CACNA2D3: variants seen among roughly 807,000 people sequenced by gnomAD.
The protein encoded by CACNA2D3 is calcium voltage-gated channel auxiliary subunit alpha2delta 3.
A neutral mutation model predicts 160.6 loss-of-function variants in CACNA2D3; 60 were observed. The ratio of observed to expected loss-of-function variants is 0.37; its 90% CI spans 0.30 to 0.46. The LOEUF is 0.46. Ranked by LOEUF, CACNA2D3 falls within the 20% of genes least tolerant of loss-of-function variation. The pLI, the probability that CACNA2D3 is intolerant of heterozygous loss-of-function variation, is 1.00. For synonymous variants in CACNA2D3, 558 were observed against 492.9 expected (o/e 1.13, Z -1.75); for missense variants, 1,205 against 1,365.0 (o/e 0.88, Z 1.85).
intron 4 of CACNA2D3, among the ~76,000 whole-genome samples, chr3:54,457,749 T>C (rs1700425140): frequency 6.6e-6 from 1 of 152,074 alleles, no homozygotes; most frequent in Non-Finnish European, 1.5e-5. Context: ...CACAACCATA[T>C]ATACATGTGC....
At chr3:54,492,007 T>C (rs9811257) in intron 4 of CACNA2D3, among the ~76,000 whole-genome samples, 1,813 of 152,234 alleles carry the variant, frequency 0.012, 36 homozygotes, top group African/African-American at 0.042. Context: ...AACATAGCCT[T>C]TTTGCTGTCT....
chr3:54,200,438 T>G (rs886469934), intron 2 of CACNA2D3, among the ~76,000 whole-genome samples: 1 of 152,208 alleles, frequency 6.6e-6, no homozygotes, highest in Non-Finnish European at 1.5e-5. Context: ...CCTTAAATTA[T>G]TACACCAACT....
chr3:54,425,902 C>T (rs554656592), intron 4 of CACNA2D3, among the ~76,000 whole-genome samples: 5 of 152,328 alleles, frequency 3.3e-5, no homozygotes, highest in South Asian at 4.1e-4. Flanking sequence ...GTAGAGGGGA[C>T]GTACACAGAT....
chr3:54,979,238 T>G (rs1248392003), intron 29 of CACNA2D3, among the ~76,000 whole-genome samples: 1 of 152,196 alleles, frequency 6.6e-6, no homozygotes, highest in Non-Finnish European at 1.5e-5. Flanking sequence ...ACAGGGACTG[T>G]GTAGACAAGG....
rs180988700 is a variant in CACNA2D3 at position 54,669,969 on chromosome 3, A to G, written c.1167+27728A>G. Among the ~76,000 whole-genome samples the G allele has an allele frequency of 3.1e-4, 47 of 152,224 alleles. No homozygotes were observed. The East Asian group carries it at 8.1e-3, about 26-fold the overall frequency. On this transcript the variant is annotated intron_variant, in intron 11 of 37. Coordinates refer to ENST00000474759, the MANE Select transcript of CACNA2D3 (RefSeq NM_018398.3). ...CATCCTGGTGACTGGGGCTCTTCTG[A>G]AATGCAAAATGTGTTTTCCATTGTA...
At chr3:55,008,924 C>CACACACACACAG (rs1559462312) in intron 33 of CACNA2D3, among the ~76,000 whole-genome samples, 7 of 148,722 alleles carry the variant, frequency 4.7e-5, no homozygotes, top group African/African-American at 1.8e-4. Flanking sequence ...CACACACACA[C>CACACACACACAG]AGGGGGCTTA....
intron 13 of CACNA2D3, among the ~76,000 whole-genome samples, chr3:54,781,266 C>T (rs998136685): frequency 3.3e-5 from 5 of 152,194 alleles, no homozygotes; most frequent in African/African-American, 1.2e-4. Context: ...CAGAGCCAGA[C>T]ATTTTTGTAA....
At chr3:54,195,832 A>G (rs1209224303) in intron 2 of CACNA2D3, among the ~76,000 whole-genome samples, 1 of 152,180 alleles carries the variant, frequency 6.6e-6, no homozygotes, top group Non-Finnish European at 1.5e-5. Flanking sequence ...ATTGTCCCAC[A>G]CCCCTCATGA....
At chr3:54,885,659 C>T in intron 23 of CACNA2D3, 73 bp downstream of exon 23, 1 of 1,138,842 alleles carries the variant, frequency 8.8e-7, no homozygotes, top group Non-Finnish European at 1.3e-6. Context: ...CATTTTTTGG[C>T]CTCACTTGTT....
At chr3:54,790,582 A>C (rs1235154822) in intron 13 of CACNA2D3, among the ~76,000 whole-genome samples, 1 of 152,174 alleles carries the variant, frequency 6.6e-6, no homozygotes, top group Non-Finnish European at 1.5e-5. Context: ...TGCACCTTCT[A>C]GGTGCTCGGA....
At chr3:54,335,179 T>C (rs79523533) in intron 3 of CACNA2D3, among the ~76,000 whole-genome samples, 4,023 of 152,308 alleles carry the variant, frequency 0.026, 180 homozygotes, top group African/African-American at 0.091. Flanking sequence ...AAAATTCAGC[T>C]ATGGCAAATG....
chr3:54,882,394 C>CACAT (rs1319233329), intron 21 of CACNA2D3, among the ~76,000 whole-genome samples: 1 of 152,192 alleles, frequency 6.6e-6, no homozygotes, highest in East Asian at 1.9e-4. Context: ...CTCTCACACA[C>CACAT]ACATACATAC....
Position 54,938,620 on chromosome 3 carries a change from C to A in CACNA2D3, c.2450-29830C>A, listed in dbSNP as rs190777569. Among the ~76,000 whole-genome samples the A allele has an allele frequency of 1.8e-4, 27 of 150,666 alleles. No homozygotes were observed. The East Asian group carries it at 4.9e-3, about 27-fold the overall frequency. ...GCTATTGACCAAGCCCCCTTAGTTA[C>A]CCCCACCCCCAAATTATACATCTTG... On this transcript the variant is annotated intron_variant, in intron 27 of 37. Transcript: ENST00000474759.
chr3:54,920,097 A>C (rs1166181764), intron 27 of CACNA2D3, among the ~76,000 whole-genome samples: 1 of 152,216 alleles, frequency 6.6e-6, no homozygotes, highest in Non-Finnish European at 1.5e-5. Context: ...CAGTTAGCAA[A>C]GTTAGATTGG....
chr3:54,906,383 G>A (rs913943111), intron 27 of CACNA2D3, among the ~76,000 whole-genome samples: 1 of 152,164 alleles, frequency 6.6e-6, no homozygotes, highest in Admixed American at 6.5e-5. Context: ...GTATGTGGTG[G>A]GGCAATGCCT....
intron 9 of CACNA2D3, among the ~76,000 whole-genome samples, chr3:54,606,711 C>T (rs1186614134): frequency 6.6e-6 from 1 of 152,136 alleles, no homozygotes; most frequent in African/African-American, 2.4e-5. Context: ...TGCAGCCCTG[C>T]AAATGTAGCC....
chr3:54,475,074 T>A (rs533609522), intron 4 of CACNA2D3, among the ~76,000 whole-genome samples: 27 of 152,300 alleles, frequency 1.8e-4, no homozygotes, highest in Admixed American at 1.2e-3. Flanking sequence ...AAGTAAGAGA[T>A]TACCTTGCAC....
At chr3:55,072,747 T>TCTTTGTTCCTC (rs1704840032) in intron 35 of CACNA2D3, among the ~76,000 whole-genome samples, 1 of 152,198 alleles carries the variant, frequency 6.6e-6, no homozygotes, top group South Asian at 2.1e-4. Context: ...TCTTTCTTTG[T>TCTTTGTTCCTC]CACTTCACCA....
intron 13 of CACNA2D3, among the ~76,000 whole-genome samples, chr3:54,776,408 G>A (rs909751298): frequency 6.6e-6 from 1 of 152,078 alleles, no homozygotes; most frequent in Non-Finnish European, 1.5e-5. Flanking sequence ...CCAGCTCCTC[G>A]GAAGGCTGAG....
Sources: gnomAD v4.1 joint callset for allele counts (sites outside exome capture counted in the v4.1 genomes callset) on GRCh38, gnomAD v4.1.1 for gene constraint, MANE v1.5 for transcripts, NCBI Gene and HGNC (gene_info 2026-07-23, HGNC 2026-07-21) for gene names.